DGKB: variants seen among roughly 807,000 people sequenced by gnomAD.
DGKB encodes the protein 90 kDa diacylglycerol kinase.
Under a neutral mutation model 114.3 loss-of-function variants are expected in DGKB, and 67 were observed. The ratio of observed to expected loss-of-function variants is 0.59; its 90% confidence interval spans 0.48 to 0.72. The LOEUF is 0.72. Ranked by LOEUF, DGKB falls within the 30% of genes least tolerant of loss-of-function variation. The pLI is 0.00. For synonymous variants in DGKB, 398 were observed against 323.1 expected, an observed-to-expected ratio of 1.23 and a Z score of -2.49; for missense variants, 907 against 975.2, an observed-to-expected ratio of 0.93 and a Z score of 0.93.
intron 15 of DGKB, among the ~76,000 whole-genome samples, chr7:14,619,023 C>A (rs1807098260): frequency 6.6e-6 from 1 of 151,408 alleles, no homozygotes; most frequent in South Asian, 2.1e-4. Flanking sequence ...CATATAATAG[C>A]TATCCAGAAC....
chr7:14,806,019 G>T (rs563436109), intron 2 of DGKB, among the ~76,000 whole-genome samples: 90 of 151,420 alleles, frequency 5.9e-4, no homozygotes, highest in Non-Finnish European at 1.1e-3. Context: ...TATATTCTAG[G>T]ATATTAAGAT....
intron 13 of DGKB, among the ~76,000 whole-genome samples, chr7:14,637,144 A>T (rs1810898077): frequency 6.6e-6 from 1 of 151,932 alleles, no homozygotes; most frequent in Admixed American, 6.6e-5. Context: ...AAACTTTGCT[A>T]AATAAATAAC....
chr7:14,748,474 G>C (rs1833678003), intron 4 of DGKB, among the ~76,000 whole-genome samples: 1 of 152,146 alleles, frequency 6.6e-6, no homozygotes, highest in Non-Finnish European at 1.5e-5. Flanking sequence ...AAGACAGCTA[G>C]TACAATGGCC....
chr7:14,613,559 GTGTGTGCGTGTGTGTGCGTGTGTA>G, intron 15 of DGKB, 146 bp from the exon 16 acceptor site: 1 of 460,216 alleles, frequency 2.2e-6, no homozygotes, highest in East Asian at 3.5e-5. Flanking sequence ...GTGTGTGTGA[GTGTGTGCGTGTGTGTGCGTGTGTA>G]TGTGTGTGTG....
chr7:14,622,846 T>C (rs1807907082), intron 14 of DGKB, among the ~76,000 whole-genome samples: 1 of 152,160 alleles, frequency 6.6e-6, no homozygotes, highest in African/African-American at 2.4e-5. Context: ...GCAATCATTC[T>C]GCAGTCTGCT....
At chr7:14,908,482 T>G (rs776730352) in intron 1 of DGKB, among the ~76,000 whole-genome samples, 3 of 152,214 alleles carry the variant, frequency 2.0e-5, no homozygotes, top group Non-Finnish European at 4.4e-5. Flanking sequence ...AAAACCTCCA[T>G]CTAATAGCTA....
chr7:14,700,074 T>C (rs1052996863), intron 7 of DGKB, among the ~76,000 whole-genome samples: 1 of 152,096 alleles, frequency 6.6e-6, no homozygotes, highest in Non-Finnish European at 1.5e-5. Context: ...ACTAAGCATA[T>C]TAAAGTATCT....
intron 2 of DGKB, among the ~76,000 whole-genome samples, chr7:14,780,464 G>A (rs1277696756): frequency 6.6e-6 from 1 of 152,148 alleles, no homozygotes; most frequent in African/African-American, 2.4e-5. Flanking sequence ...ACCAAATAGT[G>A]TGGCTGGCCC....
chr7:14,240,291 G>A (rs1172301227), intron 23 of DGKB, among the ~76,000 whole-genome samples: 1 of 151,972 alleles, frequency 6.6e-6, no homozygotes, highest in Non-Finnish European at 1.5e-5. Flanking sequence ...AATTTTGTAC[G>A]ATCATTATGT....
At chr7:14,429,219 G>A (rs1006922149) in intron 21 of DGKB, among the ~76,000 whole-genome samples, 1 of 152,126 alleles carries the variant, frequency 6.6e-6, no homozygotes, top group Admixed American at 6.5e-5. Context: ...ATGGTGTTAG[G>A]AAATGTGGCC....
At chr7:14,275,758 G>T (rs1464791159) in intron 23 of DGKB, among the ~76,000 whole-genome samples, 1 of 152,144 alleles carries the variant, frequency 6.6e-6, no homozygotes, top group African/African-American at 2.4e-5. Context: ...ACCAGTAACA[G>T]ATTAGAAGAA....
intron 21 of DGKB, among the ~76,000 whole-genome samples, chr7:14,456,824 T>C (rs1201912372): frequency 6.6e-6 from 1 of 152,118 alleles, no homozygotes; most frequent in Non-Finnish European, 1.5e-5. Flanking sequence ...CACCTTCTTA[T>C]AGAGGACAAG....
At chr7:14,585,452 T>G (rs1800599875) in intron 17 of DGKB, among the ~76,000 whole-genome samples, 1 of 152,180 alleles carries the variant, frequency 6.6e-6, no homozygotes, top group African/African-American at 2.4e-5. Context: ...CCACTTACAT[T>G]GGTACTCAGA....
intron 2 of DGKB, among the ~76,000 whole-genome samples, chr7:14,838,425 G>T (rs372489681): frequency 6.6e-6 from 1 of 152,180 alleles, no homozygotes; most frequent in Non-Finnish European, 1.5e-5. Flanking sequence ...TAATAAACAA[G>T]CCAAATTCAA....
chr7:14,652,915 C>T (rs1814901263), intron 13 of DGKB, among the ~76,000 whole-genome samples: 1 of 151,952 alleles, frequency 6.6e-6, no homozygotes, highest in African/African-American at 2.4e-5. Context: ...TGCTCATCAT[C>T]ACTGGCCATC....
At chr7:14,861,098 T>C (rs1474694152) in intron 1 of DGKB, among the ~76,000 whole-genome samples, 1 of 151,978 alleles carries the variant, frequency 6.6e-6, no homozygotes, top group African/African-American at 2.4e-5. Context: ...CTCTTTGTAT[T>C]TCCAGGTATC....
chr7:14,371,375 T>G (rs1817613541), intron 21 of DGKB, among the ~76,000 whole-genome samples: 1 of 152,212 alleles, frequency 6.6e-6, no homozygotes, highest in African/African-American at 2.4e-5. Flanking sequence ...CTGATTGGTG[T>G]GAAATAGTAT....
At chr7:14,953,793 C>T (rs552535015) in intron 1 of DGKB, among the ~76,000 whole-genome samples, 89 of 152,180 alleles carry the variant, frequency 5.8e-4, no homozygotes, top group Middle Eastern at 6.8e-3. Context: ...GTAAAGAATC[C>T]AAATGTTAGG....
At chr7:14,221,229 A>C (rs1789904029) in intron 23 of DGKB, among the ~76,000 whole-genome samples, 1 of 151,314 alleles carries the variant, frequency 6.6e-6, no homozygotes, top group African/African-American at 2.4e-5. Flanking sequence ...ATGTTGAATA[A>C]AAGTGATGTA....
Sources: gnomAD v4.1 joint callset for allele counts (sites outside exome capture counted in the v4.1 genomes callset) on GRCh38, gnomAD v4.1.1 for gene constraint, MANE v1.5 for transcripts, NCBI Gene and HGNC (gene_info 2026-07-23, HGNC 2026-07-21) for gene names.